Variants in SPAST observed in about 807,000 individuals in gnomAD.
SPAST encodes spastic paraplegia 4 (autosomal dominant; spastin).
SPAST carries 30 observed loss-of-function variants against 76.6 expected under a neutral mutation model. The ratio of observed to expected loss-of-function variants is 0.39; its 90% CI spans 0.29 to 0.53. The LOEUF (loss-of-function observed/expected upper bound fraction) is 0.53, where lower values mean the gene tolerates loss of function less well. Among genes scored for constraint, SPAST ranks in the 20% least tolerant of loss-of-function variants. The pLI, the probability that SPAST is intolerant of heterozygous loss-of-function variation, is 0.68. For synonymous variants in SPAST, 305 were observed against 281.0 expected, an observed-to-expected ratio of 1.09 and a Z score of -0.86; for missense variants, 717 against 770.5, an observed-to-expected ratio of 0.93 and a Z score of 0.82.
rs1220512735 is a variant in SPAST, at chr2:32,155,807, T to G, written c.*1311T>G. 6.6e-6 allele frequency: 1 copy of G among 152,548 alleles called. No homozygotes were observed. Among genetic ancestry groups the G allele is most frequent in the Non-Finnish European group, 1.5e-5 (1 of 68,026 alleles). 9.4% of individuals were successfully genotyped at this position (152,548 alleles called of 1,614,324 possible). On this transcript the variant is annotated 3_prime_UTR_variant, in exon 17 of 17. Transcript: ENST00000315285. ...GGTTAAAAGTTTGTTTACAGAACTT[T>G]TCTCTGGTGCTTAAATGATGCTATG...
intron 4 of SPAST, among the ~76,000 whole-genome samples, chr2:32,099,842 C>A (rs1041670354): frequency 2.0e-5 from 3 of 152,156 alleles, no homozygotes; most frequent in Middle Eastern, 3.4e-3. Flanking sequence ...CTTTTTATTT[C>A]TATGAGATTA....
chr2:32,153,827 A>G (rs2148768805), intron 16 of SPAST, among the ~76,000 whole-genome samples: 1 of 152,234 alleles, frequency 6.6e-6, no homozygotes, highest in African/African-American at 2.4e-5. Flanking sequence ...CTGTAATCCC[A>G]GCACTTTGGG....
At chr2:32,112,992 C>T (rs1678673904) in intron 4 of SPAST, among the ~76,000 whole-genome samples, 1 of 152,046 alleles carries the variant, frequency 6.6e-6, no homozygotes, top group African/African-American at 2.4e-5. Context: ...ATATATAGTA[C>T]AGCAACACTG....
intron 1 of SPAST, among the ~76,000 whole-genome samples, chr2:32,066,883 A>C (rs1676533395): frequency 7.1e-6 from 1 of 141,506 alleles, no homozygotes; most frequent in African/African-American, 2.6e-5. Context: ...CTGAGGTAGG[A>C]GGATCACTTG....
intron 4 of SPAST, among the ~76,000 whole-genome samples, chr2:32,110,555 A>G (rs1678524312): frequency 8.1e-6 from 1 of 123,280 alleles, no homozygotes; most frequent in Admixed American, 8.7e-5. Context: ...TATATACTAT[A>G]TAGTGTGTAT....
chr2:32,119,423 A>AG lies in SPAST; in HGVS notation c.1098+3211_1098+3212insG, dbSNP rs796658803. 1.9e-4 allele frequency among the ~76,000 whole-genome samples: 29 copies of AG among 152,306 alleles called. No homozygotes were observed. In the South Asian group the frequency reaches 5.4e-3, roughly 28 times the overall value. Reference sequence around the variant, plus strand: ...AGGTGAGTGGCAGGCATTCTTGAGTATACTGGAATTTTTATTTCATTGTAG... The same window carrying AG: ...AGGTGAGTGGCAGGCATTCTTGAGTAGTACTGGAATTTTTATTTCATTGTAG... On this transcript the variant is annotated intron_variant, in intron 7 of 16. Transcript: ENST00000315285.
At chr2:32,142,437 T>G (rs1273280200) in intron 13 of SPAST, among the ~76,000 whole-genome samples, 1 of 152,150 alleles carries the variant, frequency 6.6e-6, no homozygotes, top group African/African-American at 2.4e-5. Context: ...TTTTTTGAGA[T>G]GGAGTCTTGC....
chr2:32,147,630 G>A (rs1302306104), intron 16 of SPAST, among the ~76,000 whole-genome samples: 1 of 134,188 alleles, frequency 7.5e-6, no homozygotes, highest in Non-Finnish European at 1.6e-5. Context: ...TTGTTTGTTT[G>A]TTTGTTTGTT....
intron 1 of SPAST, among the ~76,000 whole-genome samples, chr2:32,081,804 A>AAAAAAAAAAAAT (rs1329836769): frequency 6.9e-6 from 1 of 145,116 alleles, no homozygotes; most frequent in African/African-American, 2.5e-5. Context: ...AAAAAAAAAA[A>AAAAAAAAAAAAT]GGAAAGAAAA....
intron 12 of SPAST, 68 bp downstream of exon 12, chr2:32,137,256 A>G: frequency 8.4e-7 from 1 of 1,187,636 alleles, no homozygotes; most frequent in Non-Finnish European, 1.3e-6. Flanking sequence ...TCCATCTTAC[A>G]TATTATTTCC....
intron 4 of SPAST, among the ~76,000 whole-genome samples, chr2:32,107,137 A>C (rs995630555): frequency 2.0e-5 from 3 of 152,088 alleles, no homozygotes; most frequent in African/African-American, 7.2e-5. Flanking sequence ...CTCTTCCTGC[A>C]ACCTGTTTGA....
At chr2:32,094,940 G>C (rs1677863192) in intron 3 of SPAST, among the ~76,000 whole-genome samples, 1 of 152,250 alleles carries the variant, frequency 6.6e-6, no homozygotes, top group South Asian at 2.1e-4. Flanking sequence ...CTGCCCTCCA[G>C]CCTGGGCAAC....
chr2:32,108,587 G>A (rs573425877), intron 4 of SPAST, among the ~76,000 whole-genome samples: 3 of 151,732 alleles, frequency 2.0e-5, no homozygotes, highest in East Asian at 3.9e-4. Context: ...AATTAGTTGG[G>A]ACTACAGGTG....
rs1680202869 is a variant in SPAST at position 32,154,865 on chromosome 2, CATTT to C, written c.*370_*373del. ...CAGTGAATGGTAGAAGACACAAGAA[CATTT>C]GTTTGTTTGTCTTCTGATGTTTTTT... On this transcript the variant is annotated 3_prime_UTR_variant, in exon 17 of 17. Transcript: ENST00000315285. 1 of 186,254 alleles carries C rather than the reference CATTT, an allele frequency of 5.4e-6. No individual in the cohort carries two copies. The highest frequency in any genetic ancestry group is 2.4e-5 in the African/African-American group (1 of 42,190). 11.5% of individuals were successfully genotyped at this position (186,254 alleles called of 1,614,324 possible).
intron 1 of SPAST, among the ~76,000 whole-genome samples, chr2:32,087,070 C>T (rs1172208367): frequency 6.6e-6 from 1 of 152,046 alleles, no homozygotes; most frequent in Non-Finnish European, 1.5e-5. Flanking sequence ...AAAACTTCCT[C>T]TAGAGAGGAG....
chr2:32,142,987 C>T (rs1015355036), intron 13 of SPAST, among the ~76,000 whole-genome samples: 1 of 151,816 alleles, frequency 6.6e-6, no homozygotes, highest in Non-Finnish European at 1.5e-5. Flanking sequence ...TGTTTTTATC[C>T]AGGTGTGGTG....
At chr2:32,070,161 G>A (rs1165046753) in intron 1 of SPAST, among the ~76,000 whole-genome samples, 1 of 151,636 alleles carries the variant, frequency 6.6e-6, no homozygotes. Flanking sequence ...CACCTCCCGG[G>A]TTCAAGCGAT....
intron 1 of SPAST, among the ~76,000 whole-genome samples, chr2:32,074,013 G>A (rs974894020): frequency 1.3e-5 from 2 of 152,080 alleles, no homozygotes; most frequent in African/African-American, 2.4e-5. Context: ...GAGCAAGTGG[G>A]GTTTATTACC....
chr2:32,078,633 G>C (rs1446400632), intron 1 of SPAST, among the ~76,000 whole-genome samples: 2 of 152,156 alleles, frequency 1.3e-5, no homozygotes, highest in African/African-American at 4.8e-5. Flanking sequence ...TTGGGTGACA[G>C]AGTGAGACCC....
Sources: allele counts gnomAD v4.1 joint callset (sites outside exome capture counted in the v4.1 genomes callset), GRCh38; gene constraint gnomAD v4.1.1; transcripts MANE v1.5; gene names NCBI Gene and HGNC (gene_info 2026-07-23, HGNC 2026-07-21).